WWTR1: variants seen among roughly 807,000 people sequenced by gnomAD.
The protein encoded by WWTR1 is WW domain containing transcription regulator 1.
WWTR1 carries 13 observed loss-of-function variants against 40.1 expected under a neutral mutation model. That is an observed-to-expected ratio of 0.32 (90% CI 0.21 to 0.52). WWTR1 has a LOEUF of 0.52. Among genes scored for constraint, WWTR1 ranks in the 20% least tolerant of loss-of-function variants. The probability of loss-of-function intolerance (pLI) is 0.97; values close to 1 mark genes in which losing one functional copy is unlikely to be tolerated. For synonymous variants in WWTR1, 230 were observed against 210.1 expected (o/e 1.09, Z -0.82); for missense variants, 436 against 523.1 (o/e 0.83, Z 1.63).
intron 2 of WWTR1, among the ~76,000 whole-genome samples, chr3:149,637,012 A>C (rs1711862681): frequency 6.7e-6 from 1 of 149,644 alleles, no homozygotes; most frequent in Non-Finnish European, 1.5e-5. Flanking sequence ...TATGCAAGGC[A>C]GGTAAGATTT....
intron 1 of WWTR1, among the ~76,000 whole-genome samples, chr3:149,677,845 C>T (rs1168046448): frequency 6.6e-6 from 1 of 152,048 alleles, no homozygotes; most frequent in African/African-American, 2.4e-5. Context: ...CTCACTGCTA[C>T]CTCTGCCTCC....
chr3:149,610,649 A>T lies in WWTR1; in HGVS notation c.432-37649T>A, dbSNP rs561189495. ...TTCTCTCCTCTCTTTCTAGCAGGGCAGGCCAGGGAAAGGAGGCAGGACGCC... is the reference window on the plus strand; with the variant it reads ...TTCTCTCCTCTCTTTCTAGCAGGGCTGGCCAGGGAAAGGAGGCAGGACGCC... On this transcript the variant is annotated intron_variant, in intron 2 of 6. Transcript: ENST00000360632. Among the ~76,000 whole-genome samples, 5 of 152,360 alleles carry T rather than the reference A, an allele frequency of 3.3e-5. No individual in the cohort carries two copies. The South Asian group carries it at 1.0e-3, about 32-fold the overall frequency.
intron 2 of WWTR1, among the ~76,000 whole-genome samples, chr3:149,583,637 T>C (rs552641351): frequency 2.0e-5 from 3 of 152,296 alleles, no homozygotes; most frequent in South Asian, 4.1e-4. Context: ...TCTTCCAGGG[T>C]TAGAATATGG....
At chr3:149,699,113 T>C (rs765966136) in intron 1 of WWTR1, among the ~76,000 whole-genome samples, 2 of 152,362 alleles carry the variant, frequency 1.3e-5, no homozygotes, top group South Asian at 2.1e-4. Flanking sequence ...CTCTGCCACA[T>C]GGCAAGGCTA....
chr3:149,660,732 C>G (rs1713532596), upstream of WWTR1, among the ~76,000 whole-genome samples: 2 of 152,172 alleles, frequency 1.3e-5, no homozygotes, highest in African/African-American at 4.8e-5. Context: ...AAATTAGGGA[C>G]AATAACAGTA....
intron 4 of WWTR1, among the ~76,000 whole-genome samples, chr3:149,723,181 TTTTC>T (rs1462709642): frequency 1.9e-5 from 1 of 52,526 alleles, no homozygotes; most frequent in Admixed American, 1.7e-4. Flanking sequence ...TTTTCTTTTC[TTTTC>T]TTTTTTTTTT....
chr3:149,607,958 T>C (rs557106147), intron 2 of WWTR1, among the ~76,000 whole-genome samples: 2 of 152,340 alleles, frequency 1.3e-5, no homozygotes, highest in African/African-American at 4.8e-5. Flanking sequence ...GGAGATTCCA[T>C]TAGAATGCAA....
chr3:149,580,023 G>A (rs1738065839), intron 2 of WWTR1, among the ~76,000 whole-genome samples: 1 of 152,188 alleles, frequency 6.6e-6, no homozygotes, highest in South Asian at 2.1e-4. Context: ...AGATGGCAAG[G>A]AGTCTTGCCG....
chr3:149,566,830 C>G (rs908909206), intron 3 of WWTR1, among the ~76,000 whole-genome samples: 11 of 148,932 alleles, frequency 7.4e-5, no homozygotes, highest in Admixed American at 2.0e-4. Context: ...AAAAAAAACA[C>G]ACATGTGTTT....
At chr3:149,572,827 A>T (rs749165672) in intron 3 of WWTR1, 37 bp downstream of exon 3, 16 of 1,608,212 alleles carry the variant, frequency 9.9e-6, no homozygotes, top group South Asian at 1.1e-5. Flanking sequence ...ACAAAAAAAA[A>T]ATATCTTTTT....
chr3:149,608,952 C>G (rs1002644010), intron 2 of WWTR1, among the ~76,000 whole-genome samples: 6 of 151,874 alleles, frequency 4.0e-5, no homozygotes, highest in African/African-American at 1.2e-4. Context: ...GCCTGTAGTC[C>G]CAGCCACTCA....
intron 2 of WWTR1, among the ~76,000 whole-genome samples, chr3:149,648,158 C>CCT: frequency 6.6e-6 from 1 of 152,292 alleles, no homozygotes; most frequent in Non-Finnish European, 1.5e-5. Context: ...CATTCATCTC[C>CCT]CTCTCCACTG....
chr3:149,709,274 C>CT (rs34267226), intron 5 of WWTR1, among the ~76,000 whole-genome samples: 14 of 145,840 alleles, frequency 9.6e-5, no homozygotes, highest in Admixed American at 2.0e-4. Flanking sequence ...CATGTCTGGC[C>CT]TTTTTTTTTT....
intron 2 of WWTR1, among the ~76,000 whole-genome samples, chr3:149,625,112 T>G: frequency 6.7e-6 from 1 of 150,098 alleles, no homozygotes; most frequent in South Asian, 2.1e-4. Flanking sequence ...TTTTTTTTTT[T>G]TTTTTTTTGG....
At chr3:149,572,425 G>A (rs1737682303) in intron 3 of WWTR1, among the ~76,000 whole-genome samples, 2 of 152,134 alleles carry the variant, frequency 1.3e-5, no homozygotes, top group South Asian at 4.1e-4. Context: ...GAAGACAGGA[G>A]GCCTAACTGA....
intron 1 of WWTR1, among the ~76,000 whole-genome samples, chr3:149,686,226 G>A (rs780542020): frequency 6.6e-6 from 1 of 152,146 alleles, no homozygotes; most frequent in Non-Finnish European, 1.5e-5. Context: ...ACCATTCTTG[G>A]AGTATTCGAG....
intron 4 of WWTR1, among the ~76,000 whole-genome samples, chr3:149,533,203 G>A (rs1735673123): frequency 6.6e-6 from 1 of 152,188 alleles, no homozygotes; most frequent in Non-Finnish European, 1.5e-5. Flanking sequence ...GTCTCAAGAA[G>A]CAGGTCATCA....
intron 2 of WWTR1, among the ~76,000 whole-genome samples, chr3:149,574,817 G>T (rs11917367): frequency 6.6e-6 from 1 of 151,022 alleles, no homozygotes; most frequent in Admixed American, 6.6e-5. Flanking sequence ...AAAAAAGGCC[G>T]GGGGCGGTGG....
At chr3:149,540,024 A>T (rs570339588) in intron 4 of WWTR1, among the ~76,000 whole-genome samples, 2 of 151,796 alleles carry the variant, frequency 1.3e-5, no homozygotes, top group South Asian at 4.2e-4. Flanking sequence ...TAACAAAAAT[A>T]AAAAGGCATC....
Sources: allele counts gnomAD v4.1 joint callset (sites outside exome capture counted in the v4.1 genomes callset), GRCh38; gene constraint gnomAD v4.1.1; transcripts MANE v1.5; gene names NCBI Gene and HGNC (gene_info 2026-07-23, HGNC 2026-07-21).